WBP2NL: variants seen among roughly 807,000 people sequenced by gnomAD.
WBP2NL encodes postacrosomal sheath WW domain-binding protein.
Under a neutral mutation model 23.3 loss-of-function variants are expected in WBP2NL, and 27 were observed. The observed-to-expected ratio is 1.16, with a 90% CI of 0.85 to 1.60. WBP2NL has a LOEUF of 1.60. Ranked by LOEUF, WBP2NL falls within the 40% of genes most tolerant of loss-of-function variation. WBP2NL has a pLI of 0.00. For synonymous variants in WBP2NL, 151 were observed against 145.9 expected (o/e 1.03, Z -0.25); for missense variants, 370 against 389.5 (o/e 0.95, Z 0.42).
At chr22:42,011,991 G>A (rs147964336) in intron 1 of WBP2NL, among the ~76,000 whole-genome samples, 4,268 of 151,842 alleles carry the variant, frequency 0.028, 191 homozygotes, top group African/African-American at 0.097. Context: ...TGGCCAGGCT[G>A]GTCTCAAACT....
chr22:42,015,271 T>C (rs766588007), intron 1 of WBP2NL, among the ~76,000 whole-genome samples: 4 of 152,218 alleles, frequency 2.6e-5, no homozygotes, highest in Non-Finnish European at 4.4e-5. Flanking sequence ...AATTTTCTTC[T>C]ATGTCTGGAA....
chr22:42,014,706 C>T (rs190243474), intron 1 of WBP2NL, among the ~76,000 whole-genome samples: 29 of 152,252 alleles, frequency 1.9e-4, no homozygotes, highest in Non-Finnish European at 3.4e-4. Flanking sequence ...ACTTCAAGTT[C>T]AATAATTCTC....
At position 42,020,052 on chromosome 22, in the gene WBP2NL, A is replaced by T. The variant is rs133335; in HGVS notation, c.362A>T (p.Asp121Val). ...ATFKLVFRNG[D>V]AIEFAQLMVK... ...TTTAAATTAGTCTTCAGAAATGGAG[A>T]TGCCATTGAATTTGCCCAGTTGATG... Residue 121 changes from aspartate to valine, a missense_variant, in exon 4 of 6, where the codon GAT becomes GTT. Physicochemically the swap from Asp to Val is radical, Grantham distance 152. Coordinates refer to ENST00000328823, the MANE Select transcript of WBP2NL (RefSeq NM_152613.3). 1 of 1,613,744 alleles carries T rather than the reference A, an allele frequency of 6.2e-7. No homozygotes were observed. The highest frequency in any genetic ancestry group is 8.5e-7 in the Non-Finnish European group (1 of 1,179,900).
At chr22:42,006,041 T>C (rs914131034) in intron 1 of WBP2NL, among the ~76,000 whole-genome samples, 1 of 152,144 alleles carries the variant, frequency 6.6e-6, no homozygotes, top group African/African-American at 2.4e-5. Flanking sequence ...TTAAGAAAAT[T>C]AGGCAAAGCT....
intron 8 of WBP2NL, among the ~76,000 whole-genome samples, chr22:42,052,905 T>C (rs1387913313): frequency 6.6e-6 from 1 of 152,218 alleles, no homozygotes; most frequent in African/African-American, 2.4e-5. Flanking sequence ...GTGTTATTTG[T>C]ACAGAAAGAT....
intron 1 of WBP2NL, among the ~76,000 whole-genome samples, chr22:42,015,284 A>G (rs751656925): frequency 3.5e-4 from 53 of 152,334 alleles, no homozygotes; most frequent in Middle Eastern, 3.4e-3. Flanking sequence ...GTCTGGAACA[A>G]CAACAACAAA....
At chr22:41,999,046 C>T (rs963518451) in intron 1 of WBP2NL, among the ~76,000 whole-genome samples, 166 bp downstream of exon 1, 2 of 151,366 alleles carry the variant, frequency 1.3e-5, no homozygotes, top group Non-Finnish European at 3.0e-5. Context: ...CACTGGTGTT[C>T]CGGCATGTGG....
At chr22:42,034,117 C>T (rs369355396), downstream of WBP2NL, among the ~76,000 whole-genome samples, 6 of 152,146 alleles carry the variant, frequency 3.9e-5, no homozygotes, top group South Asian at 4.1e-4. Flanking sequence ...GGGGCCAGGG[C>T]GGCAGGGGGC....
Position 42,027,291 on chromosome 22 carries a change from G to A in WBP2NL, c.*110G>A, listed in dbSNP as rs2146802809. 2 of 1,387,528 alleles carry A rather than the reference G, an allele frequency of 1.4e-6. No homozygotes were observed. The highest frequency in any genetic ancestry group is 4.8e-5 in the East Asian group (2 of 41,314). 86.0% of individuals were successfully genotyped at this position (1,387,528 alleles called of 1,614,324 possible). A position where few individuals can be genotyped will look rare whatever the true frequency, so the allele number is the denominator to read the frequency against. ...TGTGATCACAGGCTTCTCGCAGGTA[G>A]TTGTTCCACCCTTTGGAAGGGCAAT... On this transcript the variant is annotated 3_prime_UTR_variant, in exon 6 of 6. Coordinates refer to ENST00000328823, the MANE Select transcript of WBP2NL (RefSeq NM_152613.3).
chr22:42,018,506 A>G (rs1211647517), intron 1 of WBP2NL, among the ~76,000 whole-genome samples: 2 of 151,982 alleles, frequency 1.3e-5, no homozygotes, highest in African/African-American at 4.8e-5. Flanking sequence ...AAAGAAAAGA[A>G]AGAAAGATAA....
intron 4 of WBP2NL, among the ~76,000 whole-genome samples, chr22:42,021,948 C>T (rs886331949): frequency 3.3e-5 from 5 of 152,012 alleles, no homozygotes; most frequent in Non-Finnish European, 5.9e-5. Context: ...AGGCATGCAC[C>T]ACCATGCCTG....
intron 1 of WBP2NL, among the ~76,000 whole-genome samples, chr22:42,008,121 GCTTTCCTTTCCTTTC>G (rs1185527318): frequency 1.3e-3 from 71 of 53,852 alleles, no homozygotes; most frequent in South Asian, 8.2e-3. Context: ...CCTTTCCTTT[GCTTTCCTTTCCTTTC>G]CTTTCCTTTC....
Position 42,027,288 on chromosome 22 carries a change from G to GTAGT in WBP2NL, c.*109_*112dup. ...GTATGTGATCACAGGCTTCTCGCAG[G>GTAGT]TAGTTGTTCCACCCTTTGGAAGGGC... is the stretch of plus-strand genomic sequence containing the variant. On this transcript the variant is annotated 3_prime_UTR_variant, in exon 6 of 6. Transcript: ENST00000328823. 7.1e-7 allele frequency: 1 copy of GTAGT among 1,406,556 alleles called. No homozygotes were observed. The highest frequency in any genetic ancestry group is 1.4e-5 in the African/African-American group (1 of 69,358). 87.1% of individuals were successfully genotyped at this position (1,406,556 alleles called of 1,614,324 possible).
At chr22:42,036,603 T>C (rs1925191494), downstream of WBP2NL, among the ~76,000 whole-genome samples, 3 of 152,256 alleles carry the variant, frequency 2.0e-5, no homozygotes, top group Admixed American at 6.5e-5. Flanking sequence ...TGTTATCTTT[T>C]ATCTTTTTGA....
downstream of WBP2NL, among the ~76,000 whole-genome samples, chr22:42,034,830 A>G (rs1044344549): frequency 6.6e-6 from 1 of 152,246 alleles, no homozygotes; most frequent in Non-Finnish European, 1.5e-5. Context: ...GAAGAGAAAT[A>G]TGGCTCTGTT....
intron 8 of WBP2NL, among the ~76,000 whole-genome samples, chr22:42,057,907 T>A (rs1315318741): frequency 1.2e-3 from 54 of 45,216 alleles, no homozygotes; most frequent in African/African-American, 4.1e-3. Context: ...ATATATTTTT[T>A]TTTTTTTTTT....
At chr22:42,018,104 G>A (rs1026330009) in intron 1 of WBP2NL, among the ~76,000 whole-genome samples, 1 of 149,768 alleles carries the variant, frequency 6.7e-6, no homozygotes, top group Admixed American at 6.7e-5. Flanking sequence ...AGCCGAGATC[G>A]AGCCATTGCA....
chr22:42,030,919 T>C (rs1400431901), downstream of WBP2NL: 5 of 152,230 alleles, frequency 3.3e-5, no homozygotes, highest in African/African-American at 1.2e-4. Flanking sequence ...ATTAGAATTC[T>C]AAAAGAATAC....
downstream of WBP2NL, chr22:42,032,930 A>T (rs1925041593): frequency 1.0e-5 from 2 of 199,482 alleles, no homozygotes; most frequent in South Asian, 1.7e-4. Context: ...ATTAATTATT[A>T]ATATTATGGT....
Sources: gnomAD v4.1 joint callset for allele counts (sites outside exome capture counted in the v4.1 genomes callset) on GRCh38, gnomAD v4.1.1 for gene constraint, MANE v1.5 for transcripts, NCBI Gene and HGNC (gene_info 2026-07-23, HGNC 2026-07-21) for gene names.